The following GSG1L variants were observed in gnomAD, a reference collection of about 807,000 sequenced individuals.
GSG1L encodes GSG1 like.
Under a neutral mutation model 42.1 loss-of-function variants are expected in GSG1L, and 24 were observed. The observed-to-expected ratio is 0.57, with a 90% CI of 0.41 to 0.80. The LOEUF (loss-of-function observed/expected upper bound fraction) is 0.80. Ranked by LOEUF, GSG1L falls within the 30% of genes least tolerant of loss-of-function variation. The probability of loss-of-function intolerance (pLI) is 0.00; values close to 1 mark genes in which losing one functional copy is unlikely to be tolerated. For synonymous variants in GSG1L, 215 were observed against 203.5 expected (o/e 1.06, Z -0.48); for missense variants, 445 against 472.2 (o/e 0.94, Z 0.53).
intron 1 of GSG1L, among the ~76,000 whole-genome samples, chr16:28,000,386 C>G (rs920687320): frequency 6.6e-6 from 1 of 152,158 alleles, no homozygotes; most frequent in African/African-American, 2.4e-5. Flanking sequence ...TGCTGCATGG[C>G]GAGAAGGACT....
At chr16:27,828,508 C>T (rs1419073900) in intron 5 of GSG1L, among the ~76,000 whole-genome samples, 1 of 152,248 alleles carries the variant, frequency 6.6e-6, no homozygotes. Flanking sequence ...TTCCAAGAAG[C>T]ATAGGACCTA....
At chr16:27,904,408 T>C (rs2141045398) in intron 2 of GSG1L, among the ~76,000 whole-genome samples, 1 of 152,246 alleles carries the variant, frequency 6.6e-6, no homozygotes, top group East Asian at 1.9e-4. Context: ...CAGTGATGTC[T>C]TCCCTGATCC....
chr16:28,036,634 A>C (rs991885671), intron 1 of GSG1L, among the ~76,000 whole-genome samples: 1 of 152,164 alleles, frequency 6.6e-6, no homozygotes, highest in Non-Finnish European at 1.5e-5. Flanking sequence ...GCTCAAATGC[A>C]AATTCTCAAA....
At chr16:27,968,846 C>T (rs2085161649) in intron 1 of GSG1L, among the ~76,000 whole-genome samples, 1 of 152,216 alleles carries the variant, frequency 6.6e-6, no homozygotes, top group Non-Finnish European at 1.5e-5. Flanking sequence ...TGGCTGCTCA[C>T]ACCTGTAATC....
intron 2 of GSG1L, among the ~76,000 whole-genome samples, chr16:27,911,503 G>C (rs944820838): frequency 6.6e-6 from 1 of 152,146 alleles, no homozygotes; most frequent in Non-Finnish European, 1.5e-5. Context: ...TGTTGGCCAG[G>C]CTGGTCTCCA....
intron 1 of GSG1L, among the ~76,000 whole-genome samples, chr16:28,060,968 C>T (rs1421114469): frequency 6.6e-6 from 1 of 152,178 alleles, no homozygotes; most frequent in Non-Finnish European, 1.5e-5. Context: ...CTTCAGGGAG[C>T]AGCCAACAGA....
chr16:27,887,041 C>T (rs1164789159), intron 2 of GSG1L, among the ~76,000 whole-genome samples: 1 of 152,106 alleles, frequency 6.6e-6, no homozygotes, highest in East Asian at 1.9e-4. Context: ...CAGCAACCTC[C>T]ACCTCCTGGA....
chr16:27,932,883 G>A (rs147578156), intron 2 of GSG1L, among the ~76,000 whole-genome samples: 244 of 152,112 alleles, frequency 1.6e-3, no homozygotes, highest in African/African-American at 5.7e-3. Context: ...GACAGGAGAT[G>A]TGTCCAGCAA....
intron 1 of GSG1L, among the ~76,000 whole-genome samples, chr16:27,984,691 T>A (rs2085361141): frequency 6.6e-6 from 1 of 152,186 alleles, no homozygotes; most frequent in Non-Finnish European, 1.5e-5. Context: ...AACACCTTTT[T>A]AAAAATTACA....
intron 3 of GSG1L, among the ~76,000 whole-genome samples, chr16:27,879,882 G>A (rs545832290): frequency 6.7e-6 from 1 of 149,152 alleles, no homozygotes; most frequent in African/African-American, 2.5e-5. Context: ...TTCCCAAATG[G>A]TTTCGCTCTG....
At chr16:28,060,633 C>T (rs887940047) in intron 1 of GSG1L, among the ~76,000 whole-genome samples, 4 of 152,148 alleles carry the variant, frequency 2.6e-5, no homozygotes, top group Non-Finnish European at 5.9e-5. Context: ...TTCTCTTCCG[C>T]GATCCCTTCA....
intron 1 of GSG1L, among the ~76,000 whole-genome samples, chr16:27,992,976 G>A (rs4788026): frequency 1.3e-5 from 2 of 152,046 alleles, no homozygotes; most frequent in East Asian, 1.9e-4. Context: ...TATTGAGAAC[G>A]TACTATGTGC....
chr16:27,848,567 A>C (rs911377112), intron 3 of GSG1L, among the ~76,000 whole-genome samples: 1 of 152,216 alleles, frequency 6.6e-6, no homozygotes, highest in African/African-American at 2.4e-5. Flanking sequence ...AGACTGGAAT[A>C]GATGGGCGGA....
chr16:28,062,673 G>C (rs1355170267), intron 1 of GSG1L, among the ~76,000 whole-genome samples: 1 of 152,204 alleles, frequency 6.6e-6, no homozygotes, highest in Non-Finnish European at 1.5e-5. Context: ...GTTCCGGGGT[G>C]GGTGGGGGCA....
chr16:28,026,228 G>T (rs559464656), intron 1 of GSG1L, among the ~76,000 whole-genome samples: 1 of 152,328 alleles, frequency 6.6e-6, no homozygotes, highest in East Asian at 1.9e-4. Context: ...TGCAGGTCCA[G>T]CACCCGGTAT....
At chr16:27,962,272 G>T (rs1167926110) in intron 2 of GSG1L, among the ~76,000 whole-genome samples, 1 of 152,210 alleles carries the variant, frequency 6.6e-6, no homozygotes, top group South Asian at 2.1e-4. Flanking sequence ...CTTCTAGCTG[G>T]GTGTGACCAT....
chr16:27,993,987 T>C (rs1464309774), intron 1 of GSG1L, among the ~76,000 whole-genome samples: 1 of 152,184 alleles, frequency 6.6e-6, no homozygotes, highest in East Asian at 1.9e-4. Context: ...ATAAAAGGCT[T>C]TGCATTCAAC....
At chr16:27,947,384 A>AAGAAAG (rs373703555) in intron 2 of GSG1L, among the ~76,000 whole-genome samples, 216 of 130,742 alleles carry the variant, frequency 1.7e-3, no homozygotes, top group African/African-American at 5.8e-3. Flanking sequence ...GAAAGAAAGA[A>AAGAAAG]AAAGAAAGAA....
intron 3 of GSG1L, among the ~76,000 whole-genome samples, chr16:27,863,563 A>C (rs2083680332): frequency 6.6e-6 from 1 of 152,130 alleles, no homozygotes; most frequent in South Asian, 2.1e-4. Context: ...ACCCAGTTAC[A>C]TTTATTGTAA....
Sources: allele counts gnomAD v4.1 joint callset (sites outside exome capture counted in the v4.1 genomes callset), GRCh38; gene constraint gnomAD v4.1.1; transcripts MANE v1.5; gene names NCBI Gene and HGNC (gene_info 2026-07-23, HGNC 2026-07-21).